ZNF664: variants seen among roughly 807,000 people sequenced by gnomAD.
ZNF664 encodes the protein zinc finger Organ of Corti 1.
A neutral mutation model predicts 18.2 loss-of-function variants in ZNF664; 10 were observed. That is an observed-to-expected ratio of 0.55 (90% CI 0.34 to 0.93). ZNF664 has a LOEUF of 0.93. Ranked by LOEUF, ZNF664 falls within the 40% of genes least tolerant of loss-of-function variation. The probability of loss-of-function intolerance (pLI) is 0.02; values close to 1 mark genes in which losing one functional copy is unlikely to be tolerated. For synonymous variants in ZNF664, 119 were observed against 104.2 expected (o/e 1.14, Z -0.86); for missense variants, 193 against 319.0 (o/e 0.61, Z 3.01).
intron 3 of ZNF664, among the ~76,000 whole-genome samples, chr12:123,996,103 C>T (rs184398543): frequency 6.6e-6 from 1 of 152,332 alleles, no homozygotes; most frequent in Admixed American, 6.5e-5. Flanking sequence ...TGTGCATTCC[C>T]TGTACTTACC....
intron 3 of ZNF664, among the ~76,000 whole-genome samples, chr12:124,006,747 G>A (rs372631827): frequency 3.3e-5 from 5 of 152,346 alleles, no homozygotes; most frequent in Admixed American, 6.5e-5. Flanking sequence ...TCCAGTGTGA[G>A]TCGAGTGCAC....
chr12:124,006,120 T>G (rs1957070733), intron 3 of ZNF664: 1 of 152,392 alleles, frequency 6.6e-6, no homozygotes, highest in Non-Finnish European at 1.5e-5. Context: ...CCAGTCAAGG[T>G]GATTAGTCTT....
At chr12:123,973,598 C>T in intron 1 of ZNF664, 1 of 376,614 alleles carries the variant, frequency 2.7e-6, no homozygotes, top group Non-Finnish European at 3.7e-6. Context: ...GCCCGCAGTG[C>T]GGGGGAGCGG....
chr12:123,979,053 T>C (rs971064550), intron 2 of ZNF664, among the ~76,000 whole-genome samples: 2 of 152,158 alleles, frequency 1.3e-5, no homozygotes, highest in African/African-American at 4.8e-5. Context: ...AGAGAATTTG[T>C]TATGTAGAAG....
chr12:123,986,922 A>C (rs1956832010), intron 2 of ZNF664, among the ~76,000 whole-genome samples: 1 of 152,182 alleles, frequency 6.6e-6, no homozygotes, highest in Non-Finnish European at 1.5e-5. Flanking sequence ...TCTAAGTTGA[A>C]CCTTTATTCC....
In ZNF664 at chr12:124,000,432, C is replaced by CT. The variant is rs1364498587; in HGVS notation, c.-660-10948dup. On this transcript the variant is annotated intron_variant, in intron 3 of 4. Coordinates refer to ENST00000337815, the MANE Select transcript of ZNF664 (RefSeq NM_152437.3). ...CATTCCTCTCGTGGAGCTTTGGATC[C>CT]TGTCTCCATTGGCCCTTTCTGTTAT... is the stretch of plus-strand genomic sequence containing the variant. Among the ~76,000 whole-genome samples the CT allele has an allele frequency of 7.0e-4, 107 of 152,300 alleles. 1 individual carries two copies. Among genetic ancestry groups the CT allele is most frequent in the African/African-American group, 2.3e-3 (97 of 41,586 alleles).
chr12:123,974,236 C>T, intron 2 of ZNF664: 1 of 397,074 alleles, frequency 2.5e-6, no homozygotes, highest in Admixed American at 4.4e-5. Flanking sequence ...ACCTTTCTTG[C>T]CGAACTCTAA....
chr12:124,005,482 A>AGTGCGTGTGT (rs751514633), intron 3 of ZNF664, among the ~76,000 whole-genome samples: 1 of 91,832 alleles, frequency 1.1e-5, no homozygotes, highest in Non-Finnish European at 2.3e-5. Flanking sequence ...TAATTTATAG[A>AGTGCGTGTGT]ATGTGTGTGT....
chr12:123,982,512 C>T (rs1050176229), intron 2 of ZNF664, among the ~76,000 whole-genome samples: 8 of 152,172 alleles, frequency 5.3e-5, no homozygotes, highest in Admixed American at 1.3e-4. Context: ...CTCTGGAAGG[C>T]CATTCTGAAA....
At chr12:123,979,658 C>T (rs747585099) in intron 2 of ZNF664, among the ~76,000 whole-genome samples, 11 of 151,934 alleles carry the variant, frequency 7.2e-5, no homozygotes, top group Non-Finnish European at 1.6e-4. Context: ...TATCAAGTAG[C>T]GTTTTGTTTT....
intron 3 of ZNF664, among the ~76,000 whole-genome samples, chr12:124,003,774 G>A (rs1957040275): frequency 6.6e-6 from 1 of 152,182 alleles, no homozygotes. Flanking sequence ...GAAGATGGGA[G>A]ATTTGAAGAG....
Position 123,973,328 on chromosome 12 carries a change from G to A in ZNF664, c.-916G>A. ...GGTGGGTGCGCGGCGCCCGCGGCCT[G>A]GGGCGCTGACTCCCCTCACTTGGAG... On this transcript the variant is annotated 5_prime_UTR_variant, in exon 1 of 5. Transcript: ENST00000337815. 1.0e-6 allele frequency: 1 copy of A among 984,354 alleles called. No homozygotes were observed. The highest frequency in any genetic ancestry group is 1.2e-6 in the Non-Finnish European group (1 of 829,730). 61.0% of individuals were successfully genotyped at this position (984,354 alleles called of 1,614,324 possible).
rs113280646 is a variant in ZNF664 at position 124,005,340 on chromosome 12, C to G, written c.-660-6041C>G. On this transcript the variant is annotated intron_variant, in intron 3 of 4. Coordinates refer to ENST00000337815, the MANE Select transcript of ZNF664 (RefSeq NM_152437.3). ...TGAGTTGGGTTTTGTTGAATGACCA[C>G]AGGTCACATACTCGGTGCTGGCAGT... Among the ~76,000 whole-genome samples, 1,236 of 152,338 alleles carry G rather than the reference C, an allele frequency of 8.1e-3. 16 individuals are homozygous for G. The highest frequency in any genetic ancestry group is 0.027 in the African/African-American group (1,130 of 41,556).
intron 2 of ZNF664, among the ~76,000 whole-genome samples, chr12:123,980,486 A>G (rs1956750943): frequency 6.6e-6 from 1 of 152,226 alleles, no homozygotes; most frequent in South Asian, 2.1e-4. Context: ...AATACAGAGA[A>G]AAGCTTTCTG....
intron 2 of ZNF664, among the ~76,000 whole-genome samples, chr12:123,979,481 T>C (rs762875641): frequency 1.3e-5 from 2 of 152,210 alleles, no homozygotes; most frequent in African/African-American, 2.4e-5. Context: ...TTTGGCAGAA[T>C]TTTATCAAAA....
intron 3 of ZNF664, among the ~76,000 whole-genome samples, chr12:124,003,119 G>T (rs533392209): frequency 2.0e-4 from 30 of 152,210 alleles, no homozygotes; most frequent in Non-Finnish European, 3.7e-4. Flanking sequence ...CGCCTGCAGG[G>T]GTGGGGCTGT....
chr12:123,990,302 A>T (rs1364954151), intron 3 of ZNF664, among the ~76,000 whole-genome samples: 5 of 152,208 alleles, frequency 3.3e-5, no homozygotes, highest in African/African-American at 1.2e-4. Context: ...CACAATTTTT[A>T]AAAATGCATA....
intron 3 of ZNF664, among the ~76,000 whole-genome samples, chr12:123,994,990 G>A (rs1409806042): frequency 6.6e-6 from 1 of 152,198 alleles, no homozygotes; most frequent in African/African-American, 2.4e-5. Context: ...TAACTAGGGG[G>A]CAAAGAACAT....
rs1957140882 is a variant in ZNF664 at position 124,012,084 on chromosome 12, T to C, written c.-61T>C. The C allele has an allele frequency of 1.3e-6, 2 of 1,538,040 alleles. No homozygotes were observed. The highest frequency in any genetic ancestry group is 4.3e-5 in the Admixed American group (2 of 46,316). ...TAAGAGACTCTATGAAATAACAGTCTTGTAACTGTAGTAATCATAAGGAAA... is the reference window on the plus strand; with the variant it reads ...TAAGAGACTCTATGAAATAACAGTCCTGTAACTGTAGTAATCATAAGGAAA... On this transcript the variant is annotated 5_prime_UTR_variant, in exon 5 of 5. Coordinates refer to ENST00000337815, the MANE Select transcript of ZNF664 (RefSeq NM_152437.3).
Sources: gnomAD v4.1 joint callset for allele counts (sites outside exome capture counted in the v4.1 genomes callset) on GRCh38, gnomAD v4.1.1 for gene constraint, MANE v1.5 for transcripts, NCBI Gene and HGNC (gene_info 2026-07-23, HGNC 2026-07-21) for gene names.